Variants in STK24 observed in about 807,000 individuals in gnomAD.
STK24 encodes serine/threonine-protein kinase 24.
A neutral mutation model predicts 55.6 loss-of-function variants in STK24; 21 were observed. That is an observed-to-expected ratio of 0.38 (90% CI 0.27 to 0.54). The LOEUF (loss-of-function observed/expected upper bound fraction) is 0.54, where lower values mean the gene tolerates loss of function less well. STK24 is among the 20% of genes least tolerant of loss of function. The pLI, the probability that STK24 is intolerant of heterozygous loss-of-function variation, is 0.79. For synonymous variants in STK24, 200 were observed against 215.2 expected, an observed-to-expected ratio of 0.93 and a Z score of 0.62; for missense variants, 383 against 538.4, an observed-to-expected ratio of 0.71 and a Z score of 2.86.
intron 2 of STK24, among the ~76,000 whole-genome samples, chr13:98,489,058 C>T (rs545377958): frequency 5.7e-4 from 87 of 152,332 alleles, no homozygotes; most frequent in Non-Finnish European, 1.1e-3. Context: ...GCAGATGACG[C>T]ATGTGGCCTC....
In STK24 at chr13:98,557,522, G is replaced by A. The variant is rs113613052; in HGVS notation, c.42+19223C>T. Among the ~76,000 whole-genome samples, 369 of 152,246 alleles carry A rather than the reference G, an allele frequency of 2.4e-3. 1 individual carries two copies. Among genetic ancestry groups the A allele is most frequent in the Non-Finnish European group, 3.7e-3 (250 of 68,018 alleles). ...TCCCTCCTCCTCCCCACCCACTGGT[G>A]GCACAGTTCGATCTGGCATCAGCTT... On this transcript the variant is annotated intron_variant, in intron 1 of 10. Transcript: ENST00000539966.
At position 98,446,750 on chromosome 13, in the gene STK24, G is replaced by A. The variant is rs369210249; in HGVS notation, c.*6423C>T. 3.1e-5 allele frequency: 50 copies of A among 1,614,042 alleles called. 1 individual carries two copies. In the South Asian group the frequency reaches 4.6e-4, roughly 15 times the overall value. ...GTCCGAGAACATCCAGAAAGACTAC[G>A]TGTTCAAGCTGCACTTCAAGTCCCA... is the stretch of plus-strand genomic sequence containing the variant. On this transcript the variant is annotated 3_prime_UTR_variant, in exon 11 of 11. Transcript: ENST00000539966.
At chr13:98,490,625 G>A (rs1894987148) in intron 2 of STK24, among the ~76,000 whole-genome samples, 2 of 152,146 alleles carry the variant, frequency 1.3e-5, no homozygotes, top group African/African-American at 4.8e-5. Context: ...GTGGAGTAAA[G>A]GCGCCGGCCT....
intron 2 of STK24, among the ~76,000 whole-genome samples, chr13:98,497,836 C>A (rs896309828): frequency 6.6e-6 from 1 of 152,016 alleles, no homozygotes; most frequent in African/African-American, 2.4e-5. Flanking sequence ...GTACAGCGTC[C>A]TGGGGACAGA....
At position 98,446,838 on chromosome 13, in the gene STK24, C is replaced by T. The variant is rs779432034; in HGVS notation, c.*6335G>A. 4 of 1,613,332 alleles carry T rather than the reference C, an allele frequency of 2.5e-6. No individual in the cohort carries two copies. The highest frequency in any genetic ancestry group is 3.4e-6 in the Non-Finnish European group (4 of 1,179,470). On this transcript the variant is annotated 3_prime_UTR_variant, in exon 11 of 11. Coordinates refer to ENST00000539966, the MANE Select transcript of STK24 (RefSeq NM_001032296.4). ...GAAAGGTAGACACCCCCTTCCCACGCACAGGGCCCTGCAGAAGAGGACCCC... is the reference window on the plus strand; with the variant it reads ...GAAAGGTAGACACCCCCTTCCCACGTACAGGGCCCTGCAGAAGAGGACCCC...
At chr13:98,505,062 A>G (rs767926158) in intron 2 of STK24, 12 of 152,258 alleles carry the variant, frequency 7.9e-5, no homozygotes, top group Non-Finnish European at 1.6e-4. Context: ...CCCTGTAATC[A>G]AAGAAATCAT....
At position 98,461,756 on chromosome 13, in the gene STK24, T is replaced by C. The variant is rs1893714847; in HGVS notation, c.1053+18A>G. On this transcript the variant is annotated intron_variant, in intron 8 of 10. Transcript: ENST00000539966. Reference sequence around the variant, plus strand: ...CAGACTGAGGTCAGCGTGGCCATTCTGGAGTGAGCAGACGTACCTTATTTC... The same window carrying C: ...CAGACTGAGGTCAGCGTGGCCATTCCGGAGTGAGCAGACGTACCTTATTTC... 4 of 1,613,274 alleles carry C rather than the reference T, an allele frequency of 2.5e-6. No homozygotes were observed. The African/African-American group carries it at 5.3e-5, about 22-fold the overall frequency.
chr13:98,461,636 C>T (rs2139255040), intron 8 of STK24, 138 bp downstream of exon 8: 1 of 1,189,750 alleles, frequency 8.4e-7, no homozygotes, highest in Non-Finnish European at 1.2e-6. Flanking sequence ...TCTTCATCTG[C>T]CCATCCCCTA....
chr13:98,487,962 G>A (rs1042054133), intron 2 of STK24, among the ~76,000 whole-genome samples: 5 of 152,130 alleles, frequency 3.3e-5, no homozygotes, highest in Admixed American at 2.0e-4. Flanking sequence ...GTGTCATCAA[G>A]TTTTATTTTA....
At chr13:98,492,313 G>C (rs1417678792) in intron 2 of STK24, among the ~76,000 whole-genome samples, 4 of 152,140 alleles carry the variant, frequency 2.6e-5, no homozygotes, top group African/African-American at 9.7e-5. Flanking sequence ...AAGTGGGAGG[G>C]TGCAGTTCTA....
intron 1 of STK24, among the ~76,000 whole-genome samples, chr13:98,546,312 T>C (rs1030323388): frequency 1.4e-5 from 2 of 146,372 alleles, no homozygotes; most frequent in Non-Finnish European, 3.1e-5. Context: ...AGATCTCAAA[T>C]GGCCTGGTCC....
chr13:98,512,706 G>A (rs1895927392), intron 2 of STK24, among the ~76,000 whole-genome samples: 1 of 130,474 alleles, frequency 7.7e-6, no homozygotes, highest in South Asian at 2.3e-4. Flanking sequence ...TTATCAGTTT[G>A]CTACAAAACA....
chr13:98,518,994 C>T (rs11069309), intron 2 of STK24, among the ~76,000 whole-genome samples: 5,179 of 152,294 alleles, frequency 0.034, 278 homozygotes, highest in African/African-American at 0.12. Context: ...ATGACAAAGT[C>T]CCACCAGAAA....
Position 98,503,472 on chromosome 13 carries a change from T to C in STK24, c.273+15771A>G, listed in dbSNP as rs567233284. 3.8e-4 allele frequency among the ~76,000 whole-genome samples: 58 copies of C among 152,342 alleles called. 3 individuals are homozygous for C. In the South Asian group the frequency reaches 0.012, roughly 30 times the overall value. On this transcript the variant is annotated intron_variant, in intron 2 of 10. Transcript: ENST00000539966. ...CCTCCTGGCAGCAAGTGAAAGTTCA[T>C]TGTTTATATGGCTGCCTCACATTAA...
chr13:98,544,298 C>T (rs951918783), intron 1 of STK24, among the ~76,000 whole-genome samples: 2 of 152,170 alleles, frequency 1.3e-5, no homozygotes, highest in African/African-American at 4.8e-5. Flanking sequence ...GGTACGTTCC[C>T]GTGGCCCAAC....
chr13:98,552,346 G>C (rs1404805847), intron 1 of STK24, among the ~76,000 whole-genome samples: 1 of 152,144 alleles, frequency 6.6e-6, no homozygotes, highest in Admixed American at 6.5e-5. Flanking sequence ...TCAGAAACAT[G>C]GGAGAAGGTG....
At chr13:98,456,540 G>A in intron 10 of STK24, 1 of 512,496 alleles carries the variant, frequency 2.0e-6, no homozygotes, top group East Asian at 5.8e-5. Flanking sequence ...GTCAGGAGGG[G>A]CTTGGTTCCC....
chr13:98,552,973 C>T (rs1897193442), intron 1 of STK24, among the ~76,000 whole-genome samples: 1 of 151,944 alleles, frequency 6.6e-6, no homozygotes, highest in Non-Finnish European at 1.5e-5. Context: ...CAGGTGATGA[C>T]AACATGTCAA....
intron 1 of STK24, among the ~76,000 whole-genome samples, chr13:98,552,445 G>A (rs1897180285): frequency 6.6e-6 from 1 of 152,126 alleles, no homozygotes; most frequent in Admixed American, 6.5e-5. Context: ...AGCCGGCGGA[G>A]GTCTTCTTCC....
Sources: gnomAD v4.1 joint callset for allele counts (sites outside exome capture counted in the v4.1 genomes callset) on GRCh38, gnomAD v4.1.1 for gene constraint, MANE v1.5 for transcripts, NCBI Gene and HGNC (gene_info 2026-07-23, HGNC 2026-07-21) for gene names.